Variants in NF1 observed in about 807,000 individuals in gnomAD.
The protein encoded by NF1 is neurofibromin.
Under a neutral mutation model 325.7 loss-of-function variants are expected in NF1, and 122 were observed. The ratio of observed to expected loss-of-function variants is 0.37; its 90% CI spans 0.32 to 0.44. The LOEUF is 0.44. NF1 is among the 20% of genes least tolerant of loss of function. NF1 has a pLI of 1.00. For synonymous variants in NF1, 1,091 were observed against 1,186.0 expected (o/e 0.92, Z 1.65); for missense variants, 2,140 against 3,415.4 (o/e 0.63, Z 9.31).
rs67332557 is a variant in NF1 at position 31,154,053 on chromosome 17, ATTT to A, written c.61-1906_61-1904del. On this transcript the variant is annotated intron_variant, in intron 1 of 57. Transcript: ENST00000358273. Reference sequence around the variant, plus strand: ...TACTAGAGAAGTTCTAGTTTCTTTGATTTTTTTTTTTTTTTTTTTTTTTTTTGA... The same window carrying A: ...TACTAGAGAAGTTCTAGTTTCTTTGATTTTTTTTTTTTTTTTTTTTTTTGA... Among the ~76,000 whole-genome samples, 365 of 52,716 alleles carry A rather than the reference ATTT, an allele frequency of 6.9e-3. 1 individual carries two copies. The highest frequency in any genetic ancestry group is 0.026 in the African/African-American group (344 of 13,200). 34.6% of individuals were successfully genotyped at this position (52,716 alleles called of 152,430 possible). A position where few individuals can be genotyped will look rare whatever the true frequency, so the allele number is the denominator to read the frequency against.
chr17:31,116,708 C>T (rs1200279433), intron 1 of NF1, among the ~76,000 whole-genome samples: 3 of 152,032 alleles, frequency 2.0e-5, no homozygotes, highest in Non-Finnish European at 2.9e-5. Context: ...TGCCCTGTCG[C>T]CCAGGCTGGA....
chr17:31,285,339 A>G (rs1012419384), intron 36 of NF1, among the ~76,000 whole-genome samples: 1 of 152,070 alleles, frequency 6.6e-6, no homozygotes, highest in African/African-American at 2.4e-5. Flanking sequence ...ATGCATCCAA[A>G]TGAACGTTGT....
chr17:31,239,074 G>T (rs900680057), intron 29 of NF1, among the ~76,000 whole-genome samples: 1 of 152,168 alleles, frequency 6.6e-6, no homozygotes, highest in Non-Finnish European at 1.5e-5. Context: ...TTAGTCTGAG[G>T]AGACAAAGCA....
At chr17:31,360,778 G>C in intron 57 of NF1, 75 bp downstream of exon 57, 1 of 1,353,748 alleles carries the variant, frequency 7.4e-7, no homozygotes, top group South Asian at 1.2e-5. Context: ...CTTGTGATCA[G>C]TTTATAGCAA....
intron 36 of NF1, among the ~76,000 whole-genome samples, chr17:31,306,511 A>G (rs955861105): frequency 6.6e-6 from 1 of 151,922 alleles, no homozygotes; most frequent in South Asian, 2.1e-4. Context: ...TCTTCTCCCA[A>G]CTTCTCTGTA....
intron 11 of NF1, among the ~76,000 whole-genome samples, chr17:31,204,893 G>A (rs2066593210): frequency 6.6e-6 from 1 of 151,968 alleles, no homozygotes. Context: ...GGTTGCTTTG[G>A]GCAAGTCAAA....
intron 13 of NF1, among the ~76,000 whole-genome samples, chr17:31,217,571 CT>C: frequency 6.6e-6 from 1 of 152,074 alleles, no homozygotes; most frequent in East Asian, 2.0e-4. Context: ...TCCCAAAGTG[CT>C]GGGATTACAG....
At chr17:31,148,400 T>C (rs1251804342) in intron 1 of NF1, among the ~76,000 whole-genome samples, 2 of 151,308 alleles carry the variant, frequency 1.3e-5, no homozygotes, top group East Asian at 3.9e-4. Flanking sequence ...ATGTCTTTTT[T>C]TTTTTTTTTT....
At chr17:31,240,093 A>G (rs529259253) in intron 29 of NF1, among the ~76,000 whole-genome samples, 14 of 152,160 alleles carry the variant, frequency 9.2e-5, no homozygotes, top group East Asian at 3.9e-4. Flanking sequence ...ATACAATCCA[A>G]TTATACTCTT....
At chr17:31,255,914 A>G (rs1433075299) in intron 31 of NF1, among the ~76,000 whole-genome samples, 2 of 152,204 alleles carry the variant, frequency 1.3e-5, no homozygotes, top group Non-Finnish European at 2.9e-5. Flanking sequence ...TGTGTTTCAC[A>G]GCAGGTTAAC....
intron 39 of NF1, chr17:31,331,109 A>T (rs1395463532): frequency 6.6e-6 from 1 of 152,090 alleles, no homozygotes; most frequent in African/African-American, 2.4e-5. Flanking sequence ...CTTTCCCTGT[A>T]ATATATAAAA....
chr17:31,241,602 G>A (rs1028386079), intron 29 of NF1, among the ~76,000 whole-genome samples: 1 of 152,056 alleles, frequency 6.6e-6, no homozygotes, highest in Non-Finnish European at 1.5e-5. Flanking sequence ...TAACACTGAT[G>A]GCATAAAGCA....
chr17:31,244,989 A>G (rs2067366751), intron 29 of NF1, among the ~76,000 whole-genome samples: 1 of 152,226 alleles, frequency 6.6e-6, no homozygotes, highest in African/African-American at 2.4e-5. Context: ...TGTTCATTGT[A>G]GTTCAGAATT....
chr17:31,135,801 T>A (rs987306013), intron 1 of NF1, among the ~76,000 whole-genome samples: 2 of 151,986 alleles, frequency 1.3e-5, no homozygotes, highest in African/African-American at 2.4e-5. Flanking sequence ...AGTCTTGAAC[T>A]CCTGAGCTCA....
At chr17:31,293,134 C>T (rs1036092413) in intron 36 of NF1, among the ~76,000 whole-genome samples, 19 of 128,776 alleles carry the variant, frequency 1.5e-4, no homozygotes, top group African/African-American at 4.8e-4. Flanking sequence ...GCCGAGATCA[C>T]GCCATTGCAC....
At chr17:31,128,860 A>C (rs1364320091) in intron 1 of NF1, among the ~76,000 whole-genome samples, 1 of 151,738 alleles carries the variant, frequency 6.6e-6, no homozygotes, top group Non-Finnish European at 1.5e-5. Context: ...CGGGAGGCGG[A>C]GCTTGCAGTG....
chr17:31,201,323 T>C (rs2143883350), intron 10 of NF1, 88 bp from the exon 11 acceptor site: 1 of 1,461,420 alleles, frequency 6.8e-7, no homozygotes, highest in Middle Eastern at 2.0e-4. Context: ...TTTTTAAACT[T>C]TCTATTTGCT....
intron 31 of NF1, 120 bp downstream of exon 31, chr17:31,253,120 A>G: frequency 1.3e-6 from 1 of 751,842 alleles, no homozygotes; most frequent in East Asian, 2.7e-5. Context: ...TCATTCTACT[A>G]ATTCTGGCAC....
rs765598479 is a variant in NF1 at position 31,337,512 on chromosome 17, C to G, written c.6572C>G (p.Ser2191Cys). 6.2e-7 allele frequency: 1 copy of G among 1,614,050 alleles called. No individual in the cohort carries two copies. Among genetic ancestry groups the G allele is most frequent in the South Asian group, 1.1e-5 (1 of 91,072 alleles). The stretch of plus-strand genomic sequence containing the variant: ...CGGGACAGGTCATTCTCTCCTGGCT[C>G]CTATGAGAGAGAGACTTTTGCTTTG... ...SYRDRSFSPG[S>C]YERETFALTS... The change falls in exon 43 of 58, where the codon TCC becomes TGC. Residue 2191 changes from serine (S) to cysteine (C), a missense_variant. Transcript: ENST00000358273.
Sources: allele counts gnomAD v4.1 joint callset (sites outside exome capture counted in the v4.1 genomes callset), GRCh38; gene constraint gnomAD v4.1.1; transcripts MANE v1.5; gene names NCBI Gene and HGNC (gene_info 2026-07-23, HGNC 2026-07-21).